The following MARCHF1 variants were observed in gnomAD, a reference collection of about 807,000 sequenced individuals.
The protein encoded by MARCHF1 is E3 ubiquitin-protein ligase MARCHF1.
In MARCHF1, 40 loss-of-function variants were observed where a neutral mutation model predicts 54.2. That is an observed-to-expected ratio of 0.74 (90% CI 0.57 to 0.96). The LOEUF is 0.96. Among genes scored for constraint, MARCHF1 ranks in the 40% least tolerant of loss-of-function variants. The pLI is 0.00. For synonymous variants in MARCHF1, 236 were observed against 236.3 expected (o/e 1.00, Z 0.01); for missense variants, 586 against 656.5 (o/e 0.89, Z 1.17).
At chr4:163,635,426 C>T (rs1742279189) in intron 5 of MARCHF1, among the ~76,000 whole-genome samples, 1 of 150,004 alleles carries the variant, frequency 6.7e-6, no homozygotes, top group South Asian at 2.1e-4. Flanking sequence ...CCACCGATCC[C>T]ACAGAAATAC....
At chr4:163,654,713 C>G (rs1743080598) in intron 5 of MARCHF1, among the ~76,000 whole-genome samples, 1 of 151,592 alleles carries the variant, frequency 6.6e-6, no homozygotes, top group Non-Finnish European at 1.5e-5. Context: ...TTTCTTCTAT[C>G]TATTTACTTT....
At chr4:164,218,851 A>G (rs1369262591) in intron 1 of MARCHF1, among the ~76,000 whole-genome samples, 1 of 135,786 alleles carries the variant, frequency 7.4e-6, no homozygotes, top group Non-Finnish European at 1.6e-5. Context: ...AAGTATAATT[A>G]AAAAAAAAAA....
chr4:163,844,007 G>A (rs982958198), intron 4 of MARCHF1, among the ~76,000 whole-genome samples: 1 of 151,812 alleles, frequency 6.6e-6, no homozygotes, highest in South Asian at 2.1e-4. Context: ...AACTTCAGGG[G>A]TACAAGTACA....
At chr4:163,738,781 T>C (rs1177215511) in intron 4 of MARCHF1, among the ~76,000 whole-genome samples, 2 of 152,226 alleles carry the variant, frequency 1.3e-5, no homozygotes, top group East Asian at 3.8e-4. Flanking sequence ...GCTGGATAGA[T>C]GGCAGAAAAG....
chr4:164,079,770 T>A (rs529413777), intron 2 of MARCHF1, among the ~76,000 whole-genome samples: 1 of 152,292 alleles, frequency 6.6e-6, no homozygotes, highest in East Asian at 1.9e-4. Context: ...CCATTATCAA[T>A]ATACTATGAA....
chr4:163,988,245 A>T (rs573928632), intron 3 of MARCHF1, among the ~76,000 whole-genome samples: 14 of 152,364 alleles, frequency 9.2e-5, no homozygotes, highest in African/African-American at 2.9e-4. Flanking sequence ...TAGATTGTTT[A>T]GAAAAAGAGG....
Position 163,535,809 on chromosome 4 carries a change from C to A in MARCHF1, c.1340-6763G>T, listed in dbSNP as rs188206242. Among the ~76,000 whole-genome samples, 240 of 149,068 alleles carry A rather than the reference C, an allele frequency of 1.6e-3. 1 individual carries two copies. The highest frequency in any genetic ancestry group is 5.5e-3 in the African/African-American group (222 of 40,234). On this transcript the variant is annotated intron_variant, in intron 9 of 9. Transcript: ENST00000514618. Reference sequence around the variant, plus strand: ...GCTGTCTTCATCTATGCAAGGAGAACAATCATCTGAAACACTGACTCAGTG... The same window carrying A: ...GCTGTCTTCATCTATGCAAGGAGAAAAATCATCTGAAACACTGACTCAGTG...
intron 2 of MARCHF1, among the ~76,000 whole-genome samples, chr4:164,061,318 T>C (rs1560885705): frequency 1.3e-5 from 2 of 151,972 alleles, no homozygotes; most frequent in Non-Finnish European, 2.9e-5. Context: ...CCACTTTTAT[T>C]ATTTTTGTCT....
At chr4:164,285,304 A>G (rs1435942944) in intron 1 of MARCHF1, among the ~76,000 whole-genome samples, 1 of 152,104 alleles carries the variant, frequency 6.6e-6, no homozygotes, top group African/African-American at 2.4e-5. Context: ...CTGAGGCAAG[A>G]TGATTGCTTG....
chr4:163,804,114 C>T lies in MARCHF1; in HGVS notation c.111+49907G>A, dbSNP rs79881750. ...CACAGTGAAATGATCTGTTAAAGAA[C>T]TGTCATTATAGAACTACAACAAGAC... On this transcript the variant is annotated intron_variant, in intron 4 of 9. Coordinates refer to ENST00000514618, the MANE Select transcript of MARCHF1 (RefSeq NM_001394959.1). Among the ~76,000 whole-genome samples, 532 of 152,332 alleles carry T rather than the reference C, an allele frequency of 3.5e-3. 4 individuals are homozygous for T. Among genetic ancestry groups the T allele is most frequent in the African/African-American group, 0.012 (489 of 41,570 alleles).
At chr4:163,995,575 A>C (rs181592410) in intron 2 of MARCHF1, among the ~76,000 whole-genome samples, 4 of 152,224 alleles carry the variant, frequency 2.6e-5, no homozygotes, top group Admixed American at 6.6e-5. Flanking sequence ...ATTAGTATGC[A>C]AAAAAGACAT....
chr4:163,630,099 T>C (rs1742019260), intron 5 of MARCHF1, among the ~76,000 whole-genome samples: 1 of 152,158 alleles, frequency 6.6e-6, no homozygotes, highest in South Asian at 2.1e-4. Flanking sequence ...CTAAGAAAAA[T>C]TATGTCATAT....
chr4:164,019,658 G>T (rs1016688151), intron 2 of MARCHF1, among the ~76,000 whole-genome samples: 2 of 152,172 alleles, frequency 1.3e-5, no homozygotes, highest in Admixed American at 6.5e-5. Context: ...GATTGCAAAG[G>T]TTACAGAATG....
chr4:163,912,889 C>T (rs774463545), intron 3 of MARCHF1, among the ~76,000 whole-genome samples: 39 of 152,082 alleles, frequency 2.6e-4, no homozygotes, highest in East Asian at 3.8e-4. Flanking sequence ...TTAAAAAATA[C>T]GAAGAGCTTC....
intron 1 of MARCHF1, among the ~76,000 whole-genome samples, chr4:164,173,948 C>T (rs907230932): frequency 1.3e-5 from 2 of 152,160 alleles, no homozygotes; most frequent in Non-Finnish European, 2.9e-5. Flanking sequence ...TTATAAGTGC[C>T]ATTCTATTGT....
chr4:164,371,276 C>A (rs907350081), intron 1 of MARCHF1, among the ~76,000 whole-genome samples: 1 of 152,050 alleles, frequency 6.6e-6, no homozygotes, highest in African/African-American at 2.4e-5. Context: ...GGGCCAAAGA[C>A]CATAATGCTA....
intron 2 of MARCHF1, among the ~76,000 whole-genome samples, chr4:163,999,106 C>A (rs1399972231): frequency 1.3e-5 from 2 of 151,612 alleles, no homozygotes; most frequent in African/African-American, 4.8e-5. Context: ...TCTTCTCCAA[C>A]ATGTATATTC....
chr4:164,318,132 G>T (rs1049376443), intron 1 of MARCHF1, among the ~76,000 whole-genome samples: 11 of 152,114 alleles, frequency 7.2e-5, no homozygotes, highest in African/African-American at 2.7e-4. Context: ...CTACTTCATG[G>T]AGTTGGTGTA....
chr4:164,285,150 T>A (rs1734112053), intron 1 of MARCHF1, among the ~76,000 whole-genome samples: 1 of 152,174 alleles, frequency 6.6e-6, no homozygotes, highest in Non-Finnish European at 1.5e-5. Context: ...TGTGATCACT[T>A]TAGAACAATC....
Sources: allele counts gnomAD v4.1 joint callset (sites outside exome capture counted in the v4.1 genomes callset), GRCh38; gene constraint gnomAD v4.1.1; transcripts MANE v1.5; gene names NCBI Gene and HGNC (gene_info 2026-07-23, HGNC 2026-07-21).